The following LMNA variants were observed in gnomAD, a reference collection of about 807,000 sequenced individuals.
The protein encoded by LMNA is lamin.
Under a neutral mutation model 70.4 loss-of-function variants are expected in LMNA, and 20 were observed. The observed-to-expected ratio is 0.28, with a 90% CI of 0.20 to 0.41. The LOEUF (loss-of-function observed/expected upper bound fraction) is 0.41. Ranked by LOEUF, LMNA falls within the 10% of genes least tolerant of loss-of-function variation. LMNA has a pLI of 1.00. For synonymous variants in LMNA, 339 were observed against 372.8 expected (o/e 0.91, Z 1.04); for missense variants, 652 against 917.2 (o/e 0.71, Z 3.73).
chr1:156,088,095 C>T (rs1464601586), intron 2 of LMNA, among the ~76,000 whole-genome samples: 3 of 152,012 alleles, frequency 2.0e-5, no homozygotes, highest in African/African-American at 4.8e-5. Flanking sequence ...TGGTCTGTAT[C>T]TCTTGACCTC....
At chr1:156,126,578 T>C in intron 1 of LMNA, 1 of 820,898 alleles carries the variant, frequency 1.2e-6, no homozygotes, top group Non-Finnish European at 2.1e-6. Context: ...GGCCCGGGCC[T>C]GCTGCAGCTG....
chr1:156,085,814 G>C (rs1648452250), intron 2 of LMNA, among the ~76,000 whole-genome samples: 1 of 152,196 alleles, frequency 6.6e-6, no homozygotes, highest in African/African-American at 2.4e-5. Flanking sequence ...CCAGCACTTT[G>C]GGAGGCCAAG....
In LMNA at chr1:156,139,840, C is replaced by T; in HGVS notation, c.*734C>T. ...GGTGAGTTTGAGCTGCCTTCCCTAG[C>T]TTTAGACCCTGGGTGGGCTCTGTGC... On this transcript the variant is annotated 3_prime_UTR_variant, in exon 12 of 12. Coordinates refer to ENST00000368300, the MANE Select transcript of LMNA (RefSeq NM_170707.4). 1 of 1,519,036 alleles carries T rather than the reference C, an allele frequency of 6.6e-7. No homozygotes were observed. The highest frequency in any genetic ancestry group is 8.8e-7 in the Non-Finnish European group (1 of 1,138,492). The allele number at this position is 1,519,036 out of a possible 1,614,324, so 94.1% of individuals were successfully genotyped here.
At chr1:156,089,453 G>A (rs527912336) in intron 2 of LMNA, among the ~76,000 whole-genome samples, 7 of 151,666 alleles carry the variant, frequency 4.6e-5, no homozygotes, top group East Asian at 1.9e-4. Context: ...GCACCCCCAC[G>A]CCCAGCTAAT....
rs1264367042 is a variant in LMNA, at chr1:156,134,677, C to A, written c.640-128C>A. 6.5e-7 allele frequency: 1 copy of A among 1,547,690 alleles called. No individual in the cohort carries two copies. Among genetic ancestry groups the A allele is most frequent in the African/African-American group, 1.4e-5 (1 of 73,476 alleles). On this transcript the variant is annotated intron_variant, in intron 3 of 11. Coordinates refer to ENST00000368300, the MANE Select transcript of LMNA (RefSeq NM_170707.4). This position sits in a 1 kb window ranked among gnomAD's most constrained non-coding sequence, Gnocchi z 5.3. ...AGTTGGGGGTGGCCAGCACTCAGCTCCCAGGTTAAAGTGGGGCTGGTAGTG... is the reference window on the plus strand; with the variant it reads ...AGTTGGGGGTGGCCAGCACTCAGCTACCAGGTTAAAGTGGGGCTGGTAGTG...
At chr1:156,108,499 C>T (rs1398656646) in intron 3 of LMNA, among the ~76,000 whole-genome samples, 3 of 152,098 alleles carry the variant, frequency 2.0e-5, no homozygotes, top group East Asian at 1.9e-4. Context: ...TCTGGCTGGG[C>T]GTGGTGGCTC....
intron 1 of LMNA, among the ~76,000 whole-genome samples, chr1:156,117,713 G>C (rs535042249): frequency 6.6e-6 from 1 of 151,874 alleles, no homozygotes; most frequent in East Asian, 1.9e-4. Context: ...GTATTATTTT[G>C]TAGAGATGGG....
chr1:156,082,655 G>A (rs1336566125), exon 1 of LMNA: 1 of 152,536 alleles, frequency 6.6e-6, no homozygotes, highest in East Asian at 1.9e-4. Context: ...GAGTGGGATG[G>A]AAGTCGAGGT....
At chr1:156,112,918 C>A (rs1649592571), upstream of LMNA, among the ~76,000 whole-genome samples, 2 of 152,148 alleles carry the variant, frequency 1.3e-5, no homozygotes, top group South Asian at 2.1e-4. Context: ...CCTGGTTGCT[C>A]ATCGGAGGAT....
At chr1:156,106,918 A>G in intron 3 of LMNA, 1 of 152,410 alleles carries the variant, frequency 6.6e-6, no homozygotes. Flanking sequence ...AATGCCGGGA[A>G]TGGAGCTCCT....
At chr1:156,126,795 C>CCACTGGGAT (rs752427131) in intron 1 of LMNA, 1 of 1,606,942 alleles carries the variant, frequency 6.2e-7, no homozygotes, top group Non-Finnish European at 8.5e-7. Flanking sequence ...CCTCAAGAGG[C>CCACTGGGAT]CACTGGGATG....
chr1:156,134,088 C>T lies in LMNA; in HGVS notation c.514-315C>T, dbSNP rs1455203183. Among the ~76,000 whole-genome samples the T allele has an allele frequency of 6.6e-6, 1 of 152,200 alleles. No homozygotes were observed. On this transcript the variant is annotated intron_variant, in intron 2 of 11. Coordinates refer to ENST00000368300, the MANE Select transcript of LMNA (RefSeq NM_170707.4). This position sits in a 1 kb window ranked among gnomAD's most constrained non-coding sequence, Gnocchi z 5.3. ...CTGGAGTGCAGTAGTGCGATCTCGG[C>T]TCACTGCAACCTCCACCTCCTGGAT... is the stretch of plus-strand genomic sequence containing the variant.
intron 1 of LMNA, among the ~76,000 whole-genome samples, chr1:156,124,926 T>C (rs1650450895): frequency 6.6e-6 from 1 of 152,220 alleles, no homozygotes; most frequent in South Asian, 2.1e-4. Context: ...CTCTGTGTTA[T>C]TCTCTGCAGT....
intron 1 of LMNA, chr1:156,126,138 A>G: frequency 6.7e-7 from 1 of 1,501,904 alleles, no homozygotes; most frequent in Non-Finnish European, 8.9e-7. Context: ...TTCCTGGGAG[A>G]CAGGAAATGC....
Position 156,138,150 on chromosome 1 carries a change from C to A in LMNA, c.1699-338C>A. On this transcript the variant is annotated intron_variant, in intron 10 of 11. Coordinates refer to ENST00000368300, the MANE Select transcript of LMNA (RefSeq NM_170707.4). This position sits in a 1 kb window ranked among gnomAD's most constrained non-coding sequence, Gnocchi z 5.5. ...GAATGTTCTCTCTCATTCCTGACCGCCCCTCCACTCCAATTAATAGTGCAT... is the reference window on the plus strand; with the variant it reads ...GAATGTTCTCTCTCATTCCTGACCGACCCTCCACTCCAATTAATAGTGCAT... 1.9e-6 allele frequency: 1 copy of A among 536,646 alleles called. No individual in the cohort carries two copies. Among genetic ancestry groups the A allele is most frequent in the Non-Finnish European group, 3.4e-6 (1 of 297,968 alleles). The allele number at this position is 536,646 out of a possible 1,614,324, so 33.2% of individuals were successfully genotyped here.
At chr1:156,093,160 GA>G (rs1316007552) in intron 3 of LMNA, among the ~76,000 whole-genome samples, 1 of 151,840 alleles carries the variant, frequency 6.6e-6, no homozygotes, top group African/African-American at 2.4e-5. Flanking sequence ...AAAGTGCTGG[GA>G]TTACAGGTGT....
At position 156,136,745 on chromosome 1, in the gene LMNA, G is replaced by C; in HGVS notation, c.1381-176G>C. On this transcript the variant is annotated intron_variant, in intron 7 of 11. Coordinates refer to ENST00000368300, the MANE Select transcript of LMNA (RefSeq NM_170707.4). This position sits in a 1 kb window ranked among gnomAD's most constrained non-coding sequence, Gnocchi z 6.1. ...AAGGTATCCGTGTGCCTGGTGCTGC[G>C]TATGTGTCCACAGATCATGGCTATT... 2.8e-6 allele frequency: 2 copies of C among 707,290 alleles called. No individual in the cohort carries two copies. The highest frequency in any genetic ancestry group is 2.6e-6 in the Non-Finnish European group (1 of 392,076). 43.8% of individuals were successfully genotyped at this position (707,290 alleles called of 1,614,324 possible).
chr1:156,119,667 G>A (rs1375780854), intron 1 of LMNA, among the ~76,000 whole-genome samples: 1 of 152,242 alleles, frequency 6.6e-6, no homozygotes, highest in East Asian at 1.9e-4. Flanking sequence ...CCTGTCTGGA[G>A]TCCAGGCTTG....
intron 2 of LMNA, among the ~76,000 whole-genome samples, chr1:156,086,487 G>A (rs1056655268): frequency 6.6e-6 from 1 of 151,828 alleles, no homozygotes; most frequent in Non-Finnish European, 1.5e-5. Flanking sequence ...GGACCCTGTT[G>A]AGTTGTTTAG....
Sources: gnomAD v4.1 joint callset for allele counts (sites outside exome capture counted in the v4.1 genomes callset) on GRCh38, gnomAD v4.1.1 for gene constraint, Gnocchi (gnomAD v3.1) non-coding constraint, MANE v1.5 for transcripts, NCBI Gene and HGNC (gene_info 2026-07-23, HGNC 2026-07-21) for gene names.